The following DTHD1 variants were observed in gnomAD, a reference collection of about 807,000 sequenced individuals.
DTHD1 encodes death domain-containing protein 1.
Under a neutral mutation model 74.8 loss-of-function variants are expected in DTHD1, and 59 were observed. The ratio of observed to expected loss-of-function variants is 0.79; its 90% confidence interval spans 0.64 to 0.98. DTHD1 has a LOEUF of 0.98. DTHD1 is among the 50% of genes least tolerant of loss of function. The pLI, the probability that DTHD1 is intolerant of heterozygous loss-of-function variation, is 0.00. For synonymous variants in DTHD1, 365 were observed against 371.1 expected, an observed-to-expected ratio of 0.98 and a Z score of 0.19; for missense variants, 1,051 against 1,065.4, an observed-to-expected ratio of 0.99 and a Z score of 0.19.
At chr4:36,303,843 T>A (rs745804439) in intron 5 of DTHD1, among the ~76,000 whole-genome samples, 1 of 152,220 alleles carries the variant, frequency 6.6e-6, no homozygotes, top group Non-Finnish European at 1.5e-5. Flanking sequence ...TCACTCTAGA[T>A]AGAACAGCCA....
intron 5 of DTHD1, 100 bp downstream of exon 5, chr4:36,295,139 T>A: frequency 8.0e-7 from 1 of 1,254,776 alleles, no homozygotes; most frequent in Non-Finnish European, 1.0e-6. Context: ...AATTCTGTAT[T>A]AAAATATTAT....
At chr4:36,283,478 C>T (rs937900582) in intron 1 of DTHD1, among the ~76,000 whole-genome samples, 19 of 152,184 alleles carry the variant, frequency 1.2e-4, no homozygotes, top group Admixed American at 9.8e-4. Context: ...GGCTCCAAAA[C>T]AAAGCATCTA....
intron 7 of DTHD1, among the ~76,000 whole-genome samples, chr4:36,313,419 A>G (rs1361419998): frequency 2.2e-5 from 1 of 44,908 alleles, no homozygotes; most frequent in Non-Finnish European, 5.2e-5. Context: ...TGAGGGAGGA[A>G]AAAAAAAAAA....
At chr4:36,339,562 A>C (rs528981333) in intron 9 of DTHD1, among the ~76,000 whole-genome samples, 1 of 152,346 alleles carries the variant, frequency 6.6e-6, no homozygotes, top group African/African-American at 2.4e-5. Context: ...AATTTGAGGT[A>C]TATATTGATA....
At position 36,347,024 on chromosome 4, in the gene DTHD1, AC is replaced by A. The variant is rs1317982647; in HGVS notation, c.*3203del. On this transcript the variant is annotated 3_prime_UTR_variant, in exon 10 of 10. Coordinates refer to ENST00000639862, the MANE Select transcript of DTHD1 (RefSeq NM_001170700.3). ...GTATATCACTATATTTCTCATTGAGACCCTGATTGATACCTCTCTGCACACC... is the reference window on the plus strand; with the variant it reads ...GTATATCACTATATTTCTCATTGAGACCTGATTGATACCTCTCTGCACACC... Among the ~76,000 whole-genome samples, 1 of 152,008 alleles carries A rather than the reference AC, an allele frequency of 6.6e-6. No individual in the cohort carries two copies. Among genetic ancestry groups the A allele is most frequent in the African/African-American group, 2.4e-5 (1 of 41,392 alleles).
At chr4:36,327,257 G>C (rs1225249206) in intron 8 of DTHD1, among the ~76,000 whole-genome samples, 1 of 152,152 alleles carries the variant, frequency 6.6e-6, no homozygotes, top group Admixed American at 6.5e-5. Flanking sequence ...GTGAGCCACC[G>C]CGCCTGGCCC....
chr4:36,284,387 C>A lies in DTHD1; in HGVS notation c.683C>A (p.Thr228Asn). 1 of 1,537,128 alleles carries A rather than the reference C, an allele frequency of 6.5e-7. No individual in the cohort carries two copies. The highest frequency in any genetic ancestry group is 8.7e-7 in the Non-Finnish European group (1 of 1,146,834). Residue 228 changes from threonine (T) to asparagine (N), a missense_variant, in exon 2 of 10, where the codon ACT (threonine) becomes AAT (asparagine). By Grantham distance (65) the Thr-to-Asn change is moderately conservative. Coordinates refer to ENST00000639862, the MANE Select transcript of DTHD1 (RefSeq NM_001170700.3). Reference sequence around the variant, plus strand: ...GATGATAAACAAATAGAACACATGACTGTTGAGAACATAAATGGCAACAGG... The same window carrying A: ...GATGATAAACAAATAGAACACATGAATGTTGAGAACATAAATGGCAACAGG... ...NEDDKQIEHM[T>N]VENINGNREE...
At chr4:36,306,081 A>G (rs1440325676) in intron 5 of DTHD1, 110 bp from the exon 6 acceptor site, 1 of 1,043,932 alleles carries the variant, frequency 9.6e-7, no homozygotes, top group African/African-American at 1.6e-5. Context: ...GGCACATAGT[A>G]TGTACTTAAT....
At chr4:36,316,514 A>G in intron 8 of DTHD1, 28 bp downstream of exon 8, 1 of 1,525,460 alleles carries the variant, frequency 6.6e-7, no homozygotes. Flanking sequence ...TCTAATTACT[A>G]CATTTTGTTA....
intron 2 of DTHD1, among the ~76,000 whole-genome samples, chr4:36,288,273 T>G (rs1560785358): frequency 6.6e-6 from 1 of 152,138 alleles, no homozygotes; most frequent in Non-Finnish European, 1.5e-5. Context: ...AATTTTTACA[T>G]CTTTAGTAGA....
chr4:36,308,688 T>C (rs1757204571), intron 7 of DTHD1, among the ~76,000 whole-genome samples, 195 bp downstream of exon 7: 1 of 152,198 alleles, frequency 6.6e-6, no homozygotes, highest in Non-Finnish European at 1.5e-5. Flanking sequence ...AGGGAATGCA[T>C]GTTCCTTTAT....
Position 36,347,320 on chromosome 4 carries a change from T to C in DTHD1, c.*3496T>C, listed in dbSNP as rs1319551125. On this transcript the variant is annotated 3_prime_UTR_variant, in exon 10 of 10. Transcript: ENST00000639862. ...TTCAACTTTATGTTGCTGAAATTCA[T>C]CCATTTTGCTGTGTGTGGCAATGGT... Among the ~76,000 whole-genome samples the C allele has an allele frequency of 6.6e-6, 1 of 152,172 alleles. No individual in the cohort carries two copies. The highest frequency in any genetic ancestry group is 2.4e-5 in the African/African-American group (1 of 41,452).
intron 7 of DTHD1, among the ~76,000 whole-genome samples, chr4:36,313,310 A>C (rs1279194375): frequency 1.3e-5 from 2 of 152,182 alleles, no homozygotes; most frequent in African/African-American, 4.8e-5. Context: ...GATATTGAGA[A>C]AAAGAAAAAG....
Position 36,346,678 on chromosome 4 carries a change from C to G in DTHD1, c.*2854C>G, listed in dbSNP as rs1244757706. Among the ~76,000 whole-genome samples, 1 of 151,916 alleles carries G rather than the reference C, an allele frequency of 6.6e-6. No homozygotes were observed. Among genetic ancestry groups the G allele is most frequent in the Non-Finnish European group, 1.5e-5 (1 of 68,020 alleles). On this transcript the variant is annotated 3_prime_UTR_variant, in exon 10 of 10. Coordinates refer to ENST00000639862, the MANE Select transcript of DTHD1 (RefSeq NM_001170700.3). The stretch of plus-strand genomic sequence containing the variant: ...CCTGTATGGACCACATCAGAGATGC[C>G]TTGTTCGCTTTTGCTAATGCAAAGC...
Position 36,343,632 on chromosome 4 carries a change from T to A in DTHD1, c.2529T>A (p.Asp843Glu). 1 of 1,551,884 alleles carries A rather than the reference T, an allele frequency of 6.4e-7. No individual in the cohort carries two copies. Among genetic ancestry groups the A allele is most frequent in the Non-Finnish European group, 8.7e-7 (1 of 1,146,968 alleles). ...IQLIKLKNPD[D>E]LTEQIHEFLC... is the part of the protein sequence containing the mutation. ...TCATCAAACTCAAGAACCCTGATGA[T>A]CTCACAGAACAGATCCACGAGTTTC... Residue 843 changes from aspartate to glutamate, a missense_variant, in exon 10 of 10, where the codon GAT (aspartate) becomes GAA (glutamate). Coordinates refer to ENST00000639862, the MANE Select transcript of DTHD1 (RefSeq NM_001170700.3).
In DTHD1 at chr4:36,299,733, T is replaced by C. The variant is rs149685943; in HGVS notation, c.1643+4694T>C. ...CAGCTCCCTGTCTCTATGTGCCATA[T>C]TCTGTGCAATTTATTCACATTCCAG... On this transcript the variant is annotated intron_variant, in intron 5 of 9. Coordinates refer to ENST00000639862, the MANE Select transcript of DTHD1 (RefSeq NM_001170700.3). Among the ~76,000 whole-genome samples, 362 of 152,372 alleles carry C rather than the reference T, an allele frequency of 2.4e-3. 2 individuals are homozygous for C. Among genetic ancestry groups the C allele is most frequent in the African/African-American group, 7.7e-3 (322 of 41,580 alleles).
At chr4:36,310,445 C>A (rs1283634456) in intron 7 of DTHD1, among the ~76,000 whole-genome samples, 3 of 152,100 alleles carry the variant, frequency 2.0e-5, no homozygotes, top group Admixed American at 2.0e-4. Context: ...TAACTGCTTG[C>A]CCTGTGGTGG....
intron 8 of DTHD1, among the ~76,000 whole-genome samples, chr4:36,336,120 A>G (rs1758997201): frequency 1.3e-5 from 2 of 152,246 alleles, no homozygotes; most frequent in South Asian, 4.1e-4. Context: ...AAGCCCCACT[A>G]TGCCCATTTA....
intron 2 of DTHD1, among the ~76,000 whole-genome samples, chr4:36,289,896 T>C (rs1054684209): frequency 1.2e-4 from 19 of 152,084 alleles, no homozygotes; most frequent in Middle Eastern, 3.2e-3. Flanking sequence ...ATAATCATCA[T>C]CATCATTTGA....
Sources: gnomAD v4.1 joint callset for allele counts (sites outside exome capture counted in the v4.1 genomes callset) on GRCh38, gnomAD v4.1.1 for gene constraint, MANE v1.5 for transcripts, NCBI Gene and HGNC (gene_info 2026-07-23, HGNC 2026-07-21) for gene names.